FAM135B: variants seen among roughly 807,000 people sequenced by gnomAD.
The protein encoded by FAM135B is protein FAM135B.
A neutral mutation model predicts 127.7 loss-of-function variants in FAM135B; 43 were observed. That is an observed-to-expected ratio of 0.34 (90% CI 0.26 to 0.43). FAM135B has a LOEUF of 0.43. Among genes scored for constraint, FAM135B ranks in the 20% least tolerant of loss-of-function variants. The probability of loss-of-function intolerance (pLI) is 1.00; values close to 1 mark genes in which losing one functional copy is unlikely to be tolerated. For synonymous variants in FAM135B, 670 were observed against 665.1 expected, an observed-to-expected ratio of 1.01 and a Z score of -0.11; for missense variants, 1,558 against 1,725.6, an observed-to-expected ratio of 0.90 and a Z score of 1.72.
At chr8:138,300,609 T>C (rs907980204) in intron 3 of FAM135B, among the ~76,000 whole-genome samples, 3 of 152,182 alleles carry the variant, frequency 2.0e-5, no homozygotes, top group African/African-American at 7.2e-5. Context: ...CTAAATCATG[T>C]AATTATCCAT....
At chr8:138,474,979 T>C (rs951791716) in intron 1 of FAM135B, among the ~76,000 whole-genome samples, 1 of 152,246 alleles carries the variant, frequency 6.6e-6, no homozygotes, top group Non-Finnish European at 1.5e-5. Flanking sequence ...TTTCCAGACC[T>C]GTCTGTGACA....
At chr8:138,455,131 T>A (rs1836705001) in intron 1 of FAM135B, among the ~76,000 whole-genome samples, 1 of 152,220 alleles carries the variant, frequency 6.6e-6, no homozygotes, top group Non-Finnish European at 1.5e-5. Flanking sequence ...TATTTTAATG[T>A]AAAAGTAAGA....
intron 1 of FAM135B, among the ~76,000 whole-genome samples, chr8:138,456,624 A>G (rs1252646268): frequency 1.3e-5 from 2 of 152,172 alleles, no homozygotes; most frequent in African/African-American, 4.8e-5. Context: ...TTCCTAGGTA[A>G]CAATTATGCC....
intron 10 of FAM135B, 122 bp from the exon 11 acceptor site, chr8:138,177,542 C>A: frequency 1.2e-6 from 1 of 833,088 alleles, no homozygotes; most frequent in Non-Finnish European, 1.8e-6. Context: ...GAGCCAGGCC[C>A]CTGACCTGAA....
intron 19 of FAM135B, among the ~76,000 whole-genome samples, chr8:138,133,880 T>TC (rs1161473702): frequency 6.6e-6 from 1 of 151,624 alleles, no homozygotes; most frequent in East Asian, 1.9e-4. Context: ...GTGTTTCTTT[T>TC]CCCCCCCTTC....
At chr8:138,307,789 T>G (rs927786749) in intron 3 of FAM135B, among the ~76,000 whole-genome samples, 1 of 151,368 alleles carries the variant, frequency 6.6e-6, no homozygotes, top group African/African-American at 2.4e-5. Context: ...AATGAAATCA[T>G]TTATTCCAAC....
chr8:138,485,433 G>A (rs1258841536), intron 1 of FAM135B, among the ~76,000 whole-genome samples: 1 of 152,182 alleles, frequency 6.6e-6, no homozygotes, highest in Non-Finnish European at 1.5e-5. Context: ...CCTCTTGGTT[G>A]ATATTAAGTA....
At chr8:138,272,876 A>G (rs1213584278) in intron 3 of FAM135B, among the ~76,000 whole-genome samples, 2 of 152,200 alleles carry the variant, frequency 1.3e-5, no homozygotes, top group African/African-American at 2.4e-5. Context: ...GTTAAAAGAC[A>G]TGGGTTTACT....
rs576375131 is a variant in FAM135B, at chr8:138,309,771, G to A, written c.157+1070C>T. ...ATTTCTACAACATTCTTGGCTACTC[G>A]TACTTTATAATTAAACAGATTTTGC... is the stretch of plus-strand genomic sequence containing the variant. On this transcript the variant is annotated intron_variant, in intron 3 of 19. Transcript: ENST00000395297. Among the ~76,000 whole-genome samples the A allele has an allele frequency of 1.1e-4, 16 of 151,086 alleles. No individual in the cohort carries two copies. In the South Asian group the frequency reaches 2.9e-3, roughly 28 times the overall value.
At chr8:138,345,129 C>T (rs1337339100) in intron 2 of FAM135B, among the ~76,000 whole-genome samples, 1 of 152,116 alleles carries the variant, frequency 6.6e-6, no homozygotes, top group African/African-American at 2.4e-5. Flanking sequence ...TAGTTCAGCC[C>T]AGCTCAGGTA....
intron 7 of FAM135B, among the ~76,000 whole-genome samples, chr8:138,219,800 C>A (rs1818880496): frequency 6.6e-6 from 1 of 152,040 alleles, no homozygotes; most frequent in Non-Finnish European, 1.5e-5. Flanking sequence ...TGTGTTTTTA[C>A]TAGTCAGCTC....
intron 1 of FAM135B, among the ~76,000 whole-genome samples, chr8:138,428,703 C>A (rs1173245605): frequency 6.6e-6 from 1 of 152,114 alleles, no homozygotes; most frequent in Non-Finnish European, 1.5e-5. Flanking sequence ...TAAAGATCCA[C>A]ATGTTCATGA....
intron 1 of FAM135B, among the ~76,000 whole-genome samples, chr8:138,423,058 T>G (rs370057856): frequency 1.3e-5 from 2 of 152,218 alleles, no homozygotes; most frequent in African/African-American, 4.8e-5. Flanking sequence ...AAGTGGGAGT[T>G]AAACACTGAG....
At chr8:138,390,394 T>C (rs994080000) in intron 1 of FAM135B, among the ~76,000 whole-genome samples, 1 of 152,162 alleles carries the variant, frequency 6.6e-6, no homozygotes, top group Non-Finnish European at 1.5e-5. Context: ...TTCTCTCTTG[T>C]CTGCCGTCAT....
chr8:138,383,258 A>C (rs1420414082), intron 1 of FAM135B, among the ~76,000 whole-genome samples: 1 of 152,176 alleles, frequency 6.6e-6, no homozygotes, highest in Admixed American at 6.5e-5. Flanking sequence ...GAGTCTTTAA[A>C]GCCAGACATG....
At chr8:138,248,528 A>G (rs1046773985) in intron 6 of FAM135B, among the ~76,000 whole-genome samples, 8 of 152,100 alleles carry the variant, frequency 5.3e-5, no homozygotes, top group Admixed American at 5.2e-4. Flanking sequence ...TCTCATTTTT[A>G]AAAAATTTCG....
At chr8:138,286,427 C>T (rs796478831) in intron 3 of FAM135B, among the ~76,000 whole-genome samples, 39 of 152,366 alleles carry the variant, frequency 2.6e-4, no homozygotes, top group African/African-American at 8.9e-4. Context: ...TCTGTTTACA[C>T]CATCTCCAAT....
chr8:138,306,367 G>A (rs1219152063), intron 3 of FAM135B, among the ~76,000 whole-genome samples: 1 of 151,584 alleles, frequency 6.6e-6, no homozygotes, highest in African/African-American at 2.4e-5. Flanking sequence ...CCCGAAAGGT[G>A]GAGGTTGTGG....
At position 138,151,728 on chromosome 8, in the gene FAM135B, T is replaced by C. The variant is rs1456203921; in HGVS notation, c.2747A>G (p.Gln916Arg). ...GMPKDLNVGQ[Q>R]ALSNSGISEV... Reference sequence around the variant, plus strand: ...TGAGATGCCACTGTTGGAAAGAGCTTGCTGACCCACATTCAAGTCTTTAGG... The same window carrying C: ...TGAGATGCCACTGTTGGAAAGAGCTCGCTGACCCACATTCAAGTCTTTAGG... The change falls in exon 13 of 20, where the codon CAA becomes CGA. Residue 916 changes from glutamine (Q) to arginine (R), a missense_variant. Physicochemically the swap from Gln to Arg is conservative, Grantham distance 43. Transcript: ENST00000395297. 1.2e-6 allele frequency: 2 copies of C among 1,614,182 alleles called. No individual in the cohort carries two copies. The highest frequency in any genetic ancestry group is 1.7e-5 in the Admixed American group (1 of 60,026).
Sources: allele counts gnomAD v4.1 joint callset (sites outside exome capture counted in the v4.1 genomes callset), GRCh38; gene constraint gnomAD v4.1.1; transcripts MANE v1.5; gene names NCBI Gene and HGNC (gene_info 2026-07-23, HGNC 2026-07-21).